The following AKR1C8 variants were observed in gnomAD, a reference collection of about 807,000 sequenced individuals.
The protein encoded by AKR1C8 is aldo-keto reductase family 1 member C-like protein 1.
At chr10:5,132,621 TC>T in the AKR1C8 span, 1 of 1,584,494 alleles carries the variant, frequency 6.3e-7, no homozygotes, top group Non-Finnish European at 8.6e-7. Flanking sequence ...GTAGAATATG[TC>T]TTCTCTCTTC....
the AKR1C8 span, among the ~76,000 whole-genome samples, chr10:5,177,736 AT>A: frequency 6.6e-6 from 1 of 152,076 alleles, no homozygotes; most frequent in Admixed American, 6.5e-5. Flanking sequence ...GAATTTATCC[AT>A]TTCTTCTAGA....
chr10:5,135,730 G>T, the AKR1C8 span, among the ~76,000 whole-genome samples: 1 of 146,238 alleles, frequency 6.8e-6, no homozygotes, highest in Non-Finnish European at 1.5e-5. Context: ...TCATATAAAT[G>T]ATCAATCATT....
At chr10:5,153,662 G>A in the AKR1C8 span, among the ~76,000 whole-genome samples, 1 of 152,148 alleles carries the variant, frequency 6.6e-6, no homozygotes, top group African/African-American at 2.4e-5. Flanking sequence ...GCAGCAGGAA[G>A]AGAGTGAAGG....
chr10:5,147,593 A>G, the AKR1C8 span, among the ~76,000 whole-genome samples: 1 of 152,170 alleles, frequency 6.6e-6, no homozygotes. Flanking sequence ...GGAAGCCAGA[A>G]TCCCAGCAAG....
At chr10:5,158,081 A>G in the AKR1C8 span, among the ~76,000 whole-genome samples, 1 of 152,244 alleles carries the variant, frequency 6.6e-6, no homozygotes, top group Non-Finnish European at 1.5e-5. Flanking sequence ...TCACAGCTAC[A>G]TGAATGCAGC....
chr10:5,139,464 T>C, the AKR1C8 span, among the ~76,000 whole-genome samples: 12 of 152,058 alleles, frequency 7.9e-5, no homozygotes, highest in African/African-American at 2.7e-4. Context: ...TATAGACCAA[T>C]GGAACAGAAC....
chr10:5,155,775 C>T, the AKR1C8 span: 4 of 467,910 alleles, frequency 8.5e-6, no homozygotes, highest in African/African-American at 8.0e-5. Context: ...GAAGAAAACA[C>T]TCACATTAAC....
At chr10:5,145,614 C>T in the AKR1C8 span, among the ~76,000 whole-genome samples, 6 of 152,136 alleles carry the variant, frequency 3.9e-5, no homozygotes, top group Non-Finnish European at 7.3e-5. Context: ...TCATCACTGG[C>T]CATCAGAGAA....
chr10:5,159,973 G>C, the AKR1C8 span: 1 of 367,852 alleles, frequency 2.7e-6, no homozygotes. Flanking sequence ...CAATGGACCT[G>C]GTTAAACCTG....
At chr10:5,121,353 T>C in the AKR1C8 span, among the ~76,000 whole-genome samples, 1 of 152,116 alleles carries the variant, frequency 6.6e-6, no homozygotes, top group East Asian at 1.9e-4. Context: ...CCAGAGAAAC[T>C]CCAGAGGATC....
the AKR1C8 span, among the ~76,000 whole-genome samples, chr10:5,119,012 C>A: frequency 6.6e-6 from 1 of 151,934 alleles, no homozygotes; most frequent in African/African-American, 2.4e-5. Context: ...TGTGAAAGAC[C>A]TTGCAGAATG....
the AKR1C8 span, among the ~76,000 whole-genome samples, chr10:5,139,713 G>C: frequency 2.6e-5 from 4 of 152,044 alleles, no homozygotes; most frequent in African/African-American, 7.2e-5. Context: ...AGAAAACCTA[G>C]GCAATACCAT....
chr10:5,158,458 A>T, the AKR1C8 span: 1 of 361,614 alleles, frequency 2.8e-6, no homozygotes, highest in South Asian at 2.3e-5. Flanking sequence ...GTAGTGATAC[A>T]TGGGAACAAA....
the AKR1C8 span, among the ~76,000 whole-genome samples, chr10:5,133,851 AAT>A: frequency 1.3e-5 from 2 of 152,182 alleles, no homozygotes; most frequent in African/African-American, 4.8e-5. Flanking sequence ...GACAGAAGTA[AAT>A]ATGACGAGTA....
the AKR1C8 span, among the ~76,000 whole-genome samples, chr10:5,136,226 T>C: frequency 5.3e-5 from 8 of 152,194 alleles, no homozygotes; most frequent in African/African-American, 1.7e-4. Context: ...AATTTTTACT[T>C]GTGTCTCTCT....
At chr10:5,182,082 G>A in the AKR1C8 span, among the ~76,000 whole-genome samples, 8 of 151,884 alleles carry the variant, frequency 5.3e-5, no homozygotes, top group Non-Finnish European at 7.4e-5. Flanking sequence ...ACTTTTGAAA[G>A]AACTACAACT....
the AKR1C8 span, chr10:5,158,538 TAGG>T: frequency 0.15 from 60,390 of 415,706 alleles, 4,928 homozygotes; most frequent in Admixed American, 0.18. Context: ...TTCGCTTTAA[TAGG>T]AGTTTTTCAG....
the AKR1C8 span, chr10:5,135,050 G>A: frequency 6.1e-6 from 1 of 164,200 alleles, no homozygotes; most frequent in African/African-American, 2.4e-5. Flanking sequence ...GTCACGCAGA[G>A]TAACACAGGA....
chr10:5,139,984 A>G, the AKR1C8 span, among the ~76,000 whole-genome samples: 1 of 152,222 alleles, frequency 6.6e-6, no homozygotes, highest in Admixed American at 6.5e-5. Flanking sequence ...AAAGTGGGCA[A>G]AGGACATGAA....
Sources: allele counts gnomAD v4.1 joint callset (sites outside exome capture counted in the v4.1 genomes callset), GRCh38; gene constraint gnomAD v4.1.1; transcripts MANE v1.5; gene names NCBI Gene and HGNC (gene_info 2026-07-23, HGNC 2026-07-21).